Variants in GPC6 observed in about 807,000 individuals in gnomAD.
GPC6 encodes the protein glypican-6.
In GPC6, 14 loss-of-function variants were observed where a neutral mutation model predicts 55.2. The observed-to-expected ratio is 0.25, with a 90% CI of 0.17 to 0.40. GPC6 has a LOEUF of 0.40. Among genes scored for constraint, GPC6 ranks in the 10% least tolerant of loss-of-function variants. The probability of loss-of-function intolerance (pLI) is 1.00; values close to 1 mark genes in which losing one functional copy is unlikely to be tolerated. For missense variants in GPC6, 641 were observed against 708.5 expected (o/e 0.90, Z 1.08); for synonymous variants, 278 against 259.6 (o/e 1.07, Z -0.68).
intron 6 of GPC6, among the ~76,000 whole-genome samples, chr13:94,358,641 A>G (rs975645701): frequency 1.2e-4 from 18 of 152,208 alleles, no homozygotes; most frequent in Non-Finnish European, 4.4e-5. Context: ...ATACAAGTTA[A>G]GAGTGCGAAT....
chr13:93,895,670 C>T (rs1323187335), intron 3 of GPC6, among the ~76,000 whole-genome samples: 4 of 151,940 alleles, frequency 2.6e-5, no homozygotes, highest in African/African-American at 9.7e-5. Context: ...AATGAAACTG[C>T]ATTATGAATC....
At chr13:94,018,997 G>A (rs766332236) in intron 3 of GPC6, among the ~76,000 whole-genome samples, 11 of 152,172 alleles carry the variant, frequency 7.2e-5, no homozygotes, top group Non-Finnish European at 1.6e-4. Context: ...TGCCAAAAGG[G>A]TTGGAGACTG....
At chr13:93,670,191 G>T (rs1881303495) in intron 2 of GPC6, among the ~76,000 whole-genome samples, 1 of 152,124 alleles carries the variant, frequency 6.6e-6, no homozygotes. Context: ...GCCTCATAAT[G>T]TAACAGAGTG....
intron 3 of GPC6, among the ~76,000 whole-genome samples, chr13:93,853,601 T>G (rs1888492688): frequency 6.6e-6 from 1 of 151,634 alleles, no homozygotes; most frequent in Non-Finnish European, 1.5e-5. Context: ...TTTACTCTAT[T>G]TAACACCTGT....
In GPC6 at chr13:93,248,101, G is replaced by T. The variant is rs190108091; in HGVS notation, c.160+20485G>T. ...AAGCTGGTTGCTGTGATTTAGGAGT[G>T]CCAATTTATTCTTACTCAGAACATG... On this transcript the variant is annotated intron_variant, in intron 1 of 8. Coordinates refer to ENST00000377047, the MANE Select transcript of GPC6 (RefSeq NM_005708.5). Among the ~76,000 whole-genome samples, 101 of 152,244 alleles carry T rather than the reference G, an allele frequency of 6.6e-4. 1 individual carries two copies. In the East Asian group the frequency reaches 0.012, roughly 18 times the overall value.
intron 1 of GPC6, among the ~76,000 whole-genome samples, chr13:93,347,939 A>G (rs147449285): frequency 0.016 from 2,361 of 152,260 alleles, 50 homozygotes; most frequent in African/African-American, 0.051. Flanking sequence ...GCAAAGCTTC[A>G]GGTTCTGTTT....
intron 1 of GPC6, among the ~76,000 whole-genome samples, chr13:93,455,949 T>C (rs1878437135): frequency 6.6e-6 from 1 of 152,238 alleles, no homozygotes; most frequent in African/African-American, 2.4e-5. Flanking sequence ...TAAAGTTCTC[T>C]TTATTTACTA....
intron 1 of GPC6, among the ~76,000 whole-genome samples, chr13:93,388,917 C>T (rs1208982741): frequency 2.0e-5 from 3 of 152,114 alleles, no homozygotes; most frequent in Non-Finnish European, 4.4e-5. Context: ...GAATGCACAG[C>T]GTTGCCATGG....
At chr13:93,954,418 G>A (rs1050439954) in intron 3 of GPC6, among the ~76,000 whole-genome samples, 2 of 152,038 alleles carry the variant, frequency 1.3e-5, no homozygotes, top group Admixed American at 6.6e-5. Context: ...AGGCTCAAGC[G>A]ATCCTCCTGA....
Position 94,029,114 on chromosome 13 carries a change from G to A in GPC6, c.877+1220G>A, listed in dbSNP as rs374732617. Among the ~76,000 whole-genome samples, 5 of 152,316 alleles carry A rather than the reference G, an allele frequency of 3.3e-5. No individual in the cohort carries two copies. In the East Asian group the frequency reaches 7.7e-4, roughly 24 times the overall value. On this transcript the variant is annotated intron_variant, in intron 4 of 8. Transcript: ENST00000377047. ...GATTTGCATAGGATAGAAAAAAGAT[G>A]TTAGAATTCAGAGAAACTGAAGCTC...
chr13:93,726,495 A>G (rs1348144647), intron 2 of GPC6, among the ~76,000 whole-genome samples: 1 of 152,156 alleles, frequency 6.6e-6, no homozygotes, highest in African/African-American at 2.4e-5. Flanking sequence ...AACCTAATCT[A>G]AAATCCTATT....
At chr13:93,336,160 T>C (rs918828303) in intron 1 of GPC6, among the ~76,000 whole-genome samples, 4 of 152,228 alleles carry the variant, frequency 2.6e-5, no homozygotes, top group African/African-American at 9.6e-5. Context: ...GTTCTGCACT[T>C]GGAATTTTAT....
the GPC6 span, among the ~76,000 whole-genome samples, chr13:93,217,941 C>T: frequency 6.6e-6 from 1 of 152,126 alleles, no homozygotes; most frequent in African/African-American, 2.4e-5. Flanking sequence ...TAAAAGCAAA[C>T]AGCATTGGAT....
intron 3 of GPC6, among the ~76,000 whole-genome samples, chr13:93,836,365 T>C (rs1887732030): frequency 6.6e-6 from 1 of 152,228 alleles, no homozygotes; most frequent in South Asian, 2.1e-4. Context: ...GAATTGAGAA[T>C]ACAAAGATCA....
chr13:93,731,462 T>C (rs1883817209), intron 2 of GPC6, among the ~76,000 whole-genome samples: 1 of 152,138 alleles, frequency 6.6e-6, no homozygotes, highest in African/African-American at 2.4e-5. Flanking sequence ...TGCTGGAAAT[T>C]AGCTTGGTGG....
intron 1 of GPC6, among the ~76,000 whole-genome samples, chr13:93,294,112 T>C (rs1878402504): frequency 6.6e-6 from 1 of 152,186 alleles, no homozygotes; most frequent in Admixed American, 6.5e-5. Flanking sequence ...AAACAAGAAA[T>C]AGTGAATTAT....
chr13:93,361,249 T>C lies in GPC6; in HGVS notation c.160+133633T>C, dbSNP rs140291916. Reference sequence around the variant, plus strand: ...CATAGGCCCTAGGAACCAAGATGAGTTTCCCGCTCAAACAGAGAAAATGTT... The same window carrying C: ...CATAGGCCCTAGGAACCAAGATGAGCTTCCCGCTCAAACAGAGAAAATGTT... On this transcript the variant is annotated intron_variant, in intron 1 of 8. Coordinates refer to ENST00000377047, the MANE Select transcript of GPC6 (RefSeq NM_005708.5). 3.9e-5 allele frequency among the ~76,000 whole-genome samples: 6 copies of C among 152,100 alleles called. No homozygotes were observed. In the East Asian group the frequency reaches 1.2e-3, roughly 29 times the overall value.
intron 4 of GPC6, among the ~76,000 whole-genome samples, chr13:94,248,708 T>C (rs1218221871): frequency 6.6e-6 from 1 of 151,708 alleles, no homozygotes; most frequent in East Asian, 1.9e-4. Flanking sequence ...GTTTATAAAT[T>C]ATTTTGACTC....
intron 2 of GPC6, among the ~76,000 whole-genome samples, chr13:93,638,495 A>T (rs1161726405): frequency 6.6e-6 from 1 of 152,140 alleles, no homozygotes; most frequent in African/African-American, 2.4e-5. Context: ...AAATACAAAA[A>T]CTATTACAAT....
Sources: allele counts gnomAD v4.1 joint callset (sites outside exome capture counted in the v4.1 genomes callset), GRCh38; gene constraint gnomAD v4.1.1; transcripts MANE v1.5; gene names NCBI Gene and HGNC (gene_info 2026-07-23, HGNC 2026-07-21).